RAB3GAP1: variants seen among roughly 807,000 people sequenced by gnomAD.
The protein encoded by RAB3GAP1 is RAB3 GTPase activating protein catalytic subunit 1, also known as rab3 GTPase-activating protein catalytic subunit.
RAB3GAP1 carries 86 observed loss-of-function variants against 130.7 expected under a neutral mutation model. The ratio of observed to expected loss-of-function variants is 0.66; its 90% CI spans 0.55 to 0.79. The LOEUF (loss-of-function observed/expected upper bound fraction) is 0.79. Among genes scored for constraint, RAB3GAP1 ranks in the 30% least tolerant of loss-of-function variants. RAB3GAP1 has a pLI of 0.00. For synonymous variants in RAB3GAP1, 367 were observed against 401.7 expected (o/e 0.91, Z 1.03); for missense variants, 1,029 against 1,169.4 (o/e 0.88, Z 1.75).
intron 17 of RAB3GAP1, among the ~76,000 whole-genome samples, chr2:135,146,260 C>T (rs1691991459): frequency 7.3e-6 from 1 of 137,780 alleles, no homozygotes; most frequent in Non-Finnish European, 1.5e-5. Context: ...GGCTGGAGTG[C>T]AGTGGTGCGA....
chr2:135,175,103 G>A (rs1028220632), downstream of RAB3GAP1, among the ~76,000 whole-genome samples: 1 of 152,236 alleles, frequency 6.6e-6, no homozygotes, highest in Non-Finnish European at 1.5e-5. Flanking sequence ...GTAGGAGGCT[G>A]AAATCCCCAT....
At chr2:135,164,993 T>A in intron 23 of RAB3GAP1, 1 of 391,844 alleles carries the variant, frequency 2.6e-6, no homozygotes, top group Non-Finnish European at 5.0e-6. Flanking sequence ...GCCAGTGCTG[T>A]GCTGTGGGAA....
In RAB3GAP1 at chr2:135,124,253, A is replaced by G. The variant is rs1691283182; in HGVS notation, c.830+7A>G. 1 of 1,610,788 alleles carries G rather than the reference A, an allele frequency of 6.2e-7. No individual in the cohort carries two copies. ...CCTGCGAAGATCCTATTAGGTGAGA[A>G]TTTCAACCTGTCATTTGAATTGTGG... On this transcript the variant is annotated splice_region_variant and intron_variant, in intron 9 of 23. Coordinates refer to ENST00000264158, the MANE Select transcript of RAB3GAP1 (RefSeq NM_012233.3).
At chr2:135,074,767 G>A (rs530705370) in intron 3 of RAB3GAP1, among the ~76,000 whole-genome samples, 4 of 152,326 alleles carry the variant, frequency 2.6e-5, no homozygotes, top group South Asian at 4.1e-4. Flanking sequence ...GAGAAAGTAC[G>A]TAGATGTATT....
chr2:135,064,938 A>G (rs1689276893), intron 3 of RAB3GAP1, among the ~76,000 whole-genome samples: 1 of 147,972 alleles, frequency 6.8e-6, no homozygotes, highest in Non-Finnish European at 1.5e-5. Context: ...TTGGTTGTAG[A>G]GAGTGGTTTG....
intron 3 of RAB3GAP1, among the ~76,000 whole-genome samples, chr2:135,067,850 C>A (rs1268755375): frequency 6.6e-6 from 1 of 152,230 alleles, no homozygotes; most frequent in Non-Finnish European, 1.5e-5. Flanking sequence ...TCCACCTCAG[C>A]CTCCTGAGTA....
At chr2:135,113,405 G>T in intron 6 of RAB3GAP1, 135 bp downstream of exon 6, 1 of 1,174,258 alleles carries the variant, frequency 8.5e-7, no homozygotes, top group Admixed American at 2.0e-5. Context: ...AACTAAATTT[G>T]ACTTGAGGTT....
In RAB3GAP1 at chr2:135,164,695, G is replaced by A. The variant is rs1250498815; in HGVS notation, c.2708G>A (p.Arg903Lys). ...CACAAGCTGTTTGTGAATGCCCAGA[G>A]GGTATGTGAGAGTCATTATTGACTC... Reference protein sequence around the residue: ...IIHKLFVNAQRAAAMTPPEEE... With the variant: ...IIHKLFVNAQKAAAMTPPEEE... Residue 903 changes from arginine to lysine, a missense_variant and splice_region_variant, in exon 23 of 24, where the codon AGG (arginine) becomes AAG (lysine). Transcript: ENST00000264158. The A allele has an allele frequency of 6.3e-7, 1 of 1,597,372 alleles. No homozygotes were observed. Among genetic ancestry groups the A allele is most frequent in the Non-Finnish European group, 8.6e-7 (1 of 1,165,836 alleles).
rs754091422 is a variant in RAB3GAP1 at position 135,135,284 on chromosome 2, G to T, written c.1519G>T (p.Asp507Tyr). Residue 507 changes from aspartate (D) to tyrosine (Y), a missense_variant, in exon 16 of 24, where the codon GAT becomes TAT. By Grantham distance (160) the Asp-to-Tyr change is radical. Around this residue, in one of 3 missense-constraint regions of RAB3GAP1, gnomAD observed 373 missense variants for 493.6 expected, o/e 0.76. Transcript: ENST00000264158. ...LIPGLASGPPDLRCCLLHQKL... is the reference protein window; with the variant it reads ...LIPGLASGPPYLRCCLLHQKL... Reference sequence around the variant, plus strand: ...TGATAGATTAGCAAGTGGACCCCCAGATCTGAGGTGTTGTTTACTGCATCA... The same window carrying T: ...TGATAGATTAGCAAGTGGACCCCCATATCTGAGGTGTTGTTTACTGCATCA... 2 of 1,610,866 alleles carry T rather than the reference G, an allele frequency of 1.2e-6. No individual in the cohort carries two copies. Among genetic ancestry groups the T allele is most frequent in the African/African-American group, 2.7e-5 (2 of 74,828 alleles).
chr2:135,105,577 C>T (rs989259912), intron 5 of RAB3GAP1, among the ~76,000 whole-genome samples: 5 of 152,104 alleles, frequency 3.3e-5, no homozygotes, highest in African/African-American at 9.6e-5. Context: ...GATCTCGGCT[C>T]GCTACAACCT....
chr2:135,110,740 C>A (rs982029629), intron 5 of RAB3GAP1, among the ~76,000 whole-genome samples: 1 of 152,138 alleles, frequency 6.6e-6, no homozygotes, highest in African/African-American at 2.4e-5. Flanking sequence ...AGTATTGTTG[C>A]AGCAGCATAA....
At position 135,162,602 on chromosome 2, in the gene RAB3GAP1, C is replaced by T; in HGVS notation, c.2337C>T (p.His779=). The part of the protein sequence containing the change: ...AIQKPADLAR[H]LLPCVIHAAV... ...AGAAACCTGCAGACCTTGCTCGGCA[C>T]CTGTTACCTTGTGTGATTCATGCAG... The change falls in exon 20 of 24, where the codon CAC becomes CAT. Residue 779 remains histidine, a synonymous_variant. Transcript: ENST00000264158. 1 of 1,614,084 alleles carries T rather than the reference C, an allele frequency of 6.2e-7. No homozygotes were observed. The highest frequency in any genetic ancestry group is 1.1e-5 in the South Asian group (1 of 91,058).
At chr2:135,118,309 A>G (rs1040753042) in intron 7 of RAB3GAP1, among the ~76,000 whole-genome samples, 1 of 152,160 alleles carries the variant, frequency 6.6e-6, no homozygotes, top group Non-Finnish European at 1.5e-5. Flanking sequence ...AGTTTATCTC[A>G]TCATCTGACA....
intron 11 of RAB3GAP1, 52 bp from the exon 12 acceptor site, chr2:135,129,943 G>A: frequency 1.9e-6 from 2 of 1,063,692 alleles, no homozygotes; most frequent in Non-Finnish European, 2.9e-6. Flanking sequence ...TTATAGGACT[G>A]ATTTTTTTTT....
intron 19 of RAB3GAP1, among the ~76,000 whole-genome samples, chr2:135,154,597 A>T (rs1022376184): frequency 3.3e-5 from 5 of 152,106 alleles, no homozygotes; most frequent in African/African-American, 1.2e-4. Flanking sequence ...GCAGGAAAAG[A>T]AAAAGAGCCA....
In RAB3GAP1 at chr2:135,142,153, T is replaced by C. The variant is rs142597268; in HGVS notation, c.1923+6221T>C. On this transcript the variant is annotated intron_variant, in intron 17 of 23. Coordinates refer to ENST00000264158, the MANE Select transcript of RAB3GAP1 (RefSeq NM_012233.3). ...TAGATCAATTTATGGAGAATTGACATCTTAATATTGAGTCCATTAAATATC... is the reference window on the plus strand; with the variant it reads ...TAGATCAATTTATGGAGAATTGACACCTTAATATTGAGTCCATTAAATATC... Among the ~76,000 whole-genome samples, 550 of 152,354 alleles carry C rather than the reference T, an allele frequency of 3.6e-3. 6 individuals are homozygous for C. The Middle Eastern group carries it at 0.045, about 12-fold the overall frequency.
chr2:135,117,636 GCTT>G (rs1190948966), intron 7 of RAB3GAP1, among the ~76,000 whole-genome samples: 134 of 13,654 alleles, frequency 9.8e-3, no homozygotes, highest in South Asian at 0.037. Flanking sequence ...TTCTGCTTCT[GCTT>G]CTTCTTCTGC....
chr2:135,093,145 A>G (rs956008450), intron 4 of RAB3GAP1, among the ~76,000 whole-genome samples: 2 of 152,142 alleles, frequency 1.3e-5, no homozygotes, highest in Non-Finnish European at 2.9e-5. Flanking sequence ...CTTATCGTGG[A>G]TAGTAATTTA....
intron 3 of RAB3GAP1, among the ~76,000 whole-genome samples, chr2:135,083,410 A>G (rs1188768994): frequency 6.6e-6 from 1 of 151,950 alleles, no homozygotes; most frequent in East Asian, 1.9e-4. Context: ...TGGCTCTTTC[A>G]TTTTACATTT....
Sources: allele counts gnomAD v4.1 joint callset (sites outside exome capture counted in the v4.1 genomes callset), GRCh38; gene constraint gnomAD v4.1.1; regional missense constraint gnomAD v4.1.1; transcripts MANE v1.5; gene names NCBI Gene and HGNC (gene_info 2026-07-23, HGNC 2026-07-21).